CUTC: variants seen among roughly 807,000 people sequenced by gnomAD.
CUTC encodes the protein copper homeostasis protein cutC homolog.
A neutral mutation model predicts 36.2 loss-of-function variants in CUTC; 27 were observed. The observed-to-expected ratio is 0.75, with a 90% CI of 0.55 to 1.03. The LOEUF is 1.03. Among genes scored for constraint, CUTC ranks in the 50% least tolerant of loss-of-function variants. The probability of loss-of-function intolerance (pLI) is 0.00; values close to 1 mark genes in which losing one functional copy is unlikely to be tolerated. For missense variants in CUTC, 315 were observed against 343.5 expected (o/e 0.92, Z 0.66); for synonymous variants, 114 against 118.3 (o/e 0.96, Z 0.24).
chr10:99,743,678 G>GACC (rs2037356839), intron 4 of CUTC, among the ~76,000 whole-genome samples: 1 of 152,132 alleles, frequency 6.6e-6, no homozygotes, highest in South Asian at 2.1e-4. Flanking sequence ...GGTGAGGATG[G>GACC]ACCACCAAGT....
chr10:99,747,473 T>C (rs2037386696), intron 6 of CUTC, 83 bp downstream of exon 6: 2 of 1,487,296 alleles, frequency 1.3e-6, no homozygotes, highest in Admixed American at 3.8e-5. Context: ...TTTGTGAGAC[T>C]ATATATTACT....
In CUTC at chr10:99,743,285, A is replaced by T; in HGVS notation, c.326A>T (p.Tyr109Phe). 1 of 1,614,120 alleles carries T rather than the reference A, an allele frequency of 6.2e-7. No individual in the cohort carries two copies. Among genetic ancestry groups the T allele is most frequent in the Non-Finnish European group, 8.5e-7 (1 of 1,180,010 alleles). Residue 109 changes from tyrosine (Y) to phenylalanine (F), a missense_variant, in exon 4 of 9, where the codon TAT becomes TTT. By Grantham distance (22) the Tyr-to-Phe change is conservative (BLOSUM62 3). Transcript: ENST00000370476. Reference sequence around the variant, plus strand: ...GCTGACATTCGTCTTGCCAAGCTTTATGGTGCTGATGGTTTGGTTTTTGGG... The same window carrying T: ...GCTGACATTCGTCTTGCCAAGCTTTTTGGTGCTGATGGTTTGGTTTTTGGG... ...MKADIRLAKL[Y>F]GADGLVFGAL...
At chr10:99,740,474 G>C (rs2133667455) in intron 3 of CUTC, among the ~76,000 whole-genome samples, 1 of 151,656 alleles carries the variant, frequency 6.6e-6, no homozygotes, top group South Asian at 2.1e-4. Flanking sequence ...TTGTCGTCTT[G>C]CTTGTATTGT....
chr10:99,739,083 CTTGAA>C (rs1225551806), intron 2 of CUTC, among the ~76,000 whole-genome samples: 15 of 152,028 alleles, frequency 9.9e-5, no homozygotes, highest in South Asian at 2.1e-4. Flanking sequence ...TCTGTCTTCC[CTTGAA>C]TTGTTTTGTC....
intron 3 of CUTC, among the ~76,000 whole-genome samples, chr10:99,741,381 A>G (rs921521945): frequency 1.3e-5 from 2 of 152,110 alleles, no homozygotes; most frequent in African/African-American, 4.8e-5. Context: ...ATTATTTCTA[A>G]TCCTTTTTAT....
intron 5 of CUTC, among the ~76,000 whole-genome samples, chr10:99,744,725 T>G (rs772174889): frequency 1.1e-4 from 17 of 152,200 alleles, no homozygotes; most frequent in Non-Finnish European, 1.8e-4. Context: ...TAAAGAAATA[T>G]TTCCTGTAAA....
chr10:99,743,183 A>G lies in CUTC; in HGVS notation c.224A>G (p.Gln75Arg), dbSNP rs1439709758. 1 of 1,614,136 alleles carries G rather than the reference A, an allele frequency of 6.2e-7. No individual in the cohort carries two copies. The highest frequency in any genetic ancestry group is 1.1e-5 in the South Asian group (1 of 91,078). Residue 75 changes from glutamine to arginine, a missense_variant, in exon 4 of 9, where the codon CAG (glutamine) becomes CGG (arginine). Physicochemically the swap from Gln to Arg is conservative, Grantham distance 43. Coordinates refer to ENST00000370476, the MANE Select transcript of CUTC (RefSeq NM_015960.3). ...CTTCAAGTAGTGAAGCAGAGTGTTC[A>G]GATCCCAGTTTTTGTGATGATTCGG... Reference protein sequence around the residue: ...GVLQVVKQSVQIPVFVMIRPR... With the variant: ...GVLQVVKQSVRIPVFVMIRPR...
chr10:99,735,608 A>G (rs1190220452), intron 1 of CUTC, among the ~76,000 whole-genome samples: 1 of 152,184 alleles, frequency 6.6e-6, no homozygotes, highest in African/African-American at 2.4e-5. Context: ...GGGTTTTACC[A>G]TGTTGGCCAG....
At chr10:99,754,954 T>G (rs2037443937) in intron 8 of CUTC, among the ~76,000 whole-genome samples, 1 of 149,976 alleles carries the variant, frequency 6.7e-6, no homozygotes, top group South Asian at 2.1e-4. Context: ...TATGATTTCC[T>G]GTAGCAAAGT....
intron 2 of CUTC, among the ~76,000 whole-genome samples, chr10:99,738,176 GTTGT>G (rs2037312263): frequency 6.7e-6 from 1 of 150,148 alleles, no homozygotes; most frequent in African/African-American, 2.4e-5. Flanking sequence ...CTCTTTTTTT[GTTGT>G]TTAAGTTCTT....
intron 7 of CUTC, among the ~76,000 whole-genome samples, chr10:99,751,485 C>A (rs1413412926): frequency 2.0e-5 from 3 of 152,124 alleles, no homozygotes; most frequent in Admixed American, 6.6e-5. Flanking sequence ...CGCTGCCATG[C>A]CCAGTTCTAT....
At position 99,732,474 on chromosome 10, in the gene CUTC, C is replaced by G. The variant is rs560323839; in HGVS notation, c.61+65C>G. ...CTCCCCGGGGCGGGCCGGCGGGAGT[C>G]GTAGTCAGTGGTGATTTCTTCTGGA... On this transcript the variant is annotated intron_variant, in intron 1 of 8. Coordinates refer to ENST00000370476, the MANE Select transcript of CUTC (RefSeq NM_015960.3). 148 of 1,546,064 alleles carry G rather than the reference C, an allele frequency of 9.6e-5. No individual in the cohort carries two copies. The African/African-American group carries it at 1.9e-3, about 20-fold the overall frequency.
intron 1 of CUTC, among the ~76,000 whole-genome samples, chr10:99,733,092 TGAGCTCAG>T (rs1473415237): frequency 6.6e-6 from 1 of 152,238 alleles, no homozygotes; most frequent in Non-Finnish European, 1.5e-5. Context: ...ACAGATCATC[TGAGCTCAG>T]GAGTTCGAGA....
intron 5 of CUTC, among the ~76,000 whole-genome samples, chr10:99,745,260 A>C (rs1466444862): frequency 6.6e-6 from 1 of 152,236 alleles, no homozygotes; most frequent in Non-Finnish European, 1.5e-5. Flanking sequence ...AATTTGTAGA[A>C]TTTTTGGGTT....
intron 6 of CUTC, among the ~76,000 whole-genome samples, chr10:99,748,538 T>C (rs1031629654): frequency 1.3e-5 from 2 of 152,332 alleles, no homozygotes; most frequent in East Asian, 3.9e-4. Context: ...CTGTGTGTAG[T>C]CACTATCCTT....
chr10:99,744,020 T>C lies in CUTC; in HGVS notation c.404-17T>C, dbSNP rs2037360121. On this transcript the variant is annotated splice_polypyrimidine_tract_variant and intron_variant, in intron 4 of 8. Transcript: ENST00000370476. ...TGACATCTTCATTCATGTTGTTATATGACTTTCTTTTTATAGCTATTTGCC... is the reference window on the plus strand; with the variant it reads ...TGACATCTTCATTCATGTTGTTATACGACTTTCTTTTTATAGCTATTTGCC... The C allele has an allele frequency of 5.6e-6, 9 of 1,608,820 alleles. No homozygotes were observed. The highest frequency in any genetic ancestry group is 6.8e-6 in the Non-Finnish European group (8 of 1,176,474).
intron 2 of CUTC, among the ~76,000 whole-genome samples, chr10:99,739,019 C>T (rs922398352): frequency 3.3e-5 from 5 of 152,110 alleles, no homozygotes; most frequent in Admixed American, 2.0e-4. Flanking sequence ...AGAATAAATG[C>T]TTGCTTATTT....
intron 7 of CUTC, among the ~76,000 whole-genome samples, chr10:99,752,632 T>C (rs909725201): frequency 6.6e-6 from 1 of 152,214 alleles, no homozygotes; most frequent in African/African-American, 2.4e-5. Flanking sequence ...TTGTTTAATA[T>C]GCAATTGTTA....
chr10:99,737,168 G>A (rs1446605479), intron 2 of CUTC, among the ~76,000 whole-genome samples: 1 of 151,930 alleles, frequency 6.6e-6, no homozygotes, highest in Non-Finnish European at 1.5e-5. Flanking sequence ...TACTTGGGAG[G>A]CTAAGGTGGG....
Sources: gnomAD v4.1 joint callset for allele counts (sites outside exome capture counted in the v4.1 genomes callset) on GRCh38, gnomAD v4.1.1 for gene constraint, MANE v1.5 for transcripts, NCBI Gene and HGNC (gene_info 2026-07-23, HGNC 2026-07-21) for gene names.